COL7A1: variants seen among roughly 807,000 people sequenced by gnomAD.
The protein encoded by COL7A1 is collagen type VII alpha 1 chain, also known as collagen alpha-1(VII) chain.
A neutral mutation model predicts 456.2 loss-of-function variants in COL7A1; 296 were observed. The observed-to-expected ratio is 0.65, with a 90% CI of 0.59 to 0.71. The LOEUF (loss-of-function observed/expected upper bound fraction) is 0.71. COL7A1 is among the 30% of genes least tolerant of loss of function. COL7A1 has a pLI of 0.00. For missense variants in COL7A1, 3,441 were observed against 4,017.2 expected (o/e 0.86, Z 3.88); for synonymous variants, 1,464 against 1,525.9 (o/e 0.96, Z 0.95).
At position 48,578,840 on chromosome 3, in the gene COL7A1, G is replaced by A. The variant is rs574727743; in HGVS notation, c.5424+79C>T. On this transcript the variant is annotated intron_variant, in intron 63 of 118. Coordinates refer to ENST00000681320, the MANE Select transcript of COL7A1 (RefSeq NM_000094.4). The surrounding 1 kb of genome is among the most constrained non-coding windows in gnomAD (Gnocchi z 4.7). ...GAACCGACCCCCCACCAACTCTCTC[G>A]GATGCTGTGACTATGATGATCTGGT... The A allele has an allele frequency of 1.8e-5, 27 of 1,462,568 alleles. No homozygotes were observed. The highest frequency in any genetic ancestry group is 2.2e-4 in the Middle Eastern group (1 of 4,600). 90.6% of individuals were successfully genotyped at this position (1,462,568 alleles called of 1,614,324 possible).
Position 48,590,626 on chromosome 3 carries a change from A to G in COL7A1, c.1781-42T>C, listed in dbSNP as rs766686107. 2.5e-6 allele frequency: 4 copies of G among 1,614,052 alleles called. No individual in the cohort carries two copies. Among genetic ancestry groups the G allele is most frequent in the Non-Finnish European group, 3.4e-6 (4 of 1,180,030 alleles). Reference sequence around the variant, plus strand: ...GAAGTCAGAAGTCAGAACCAGGACCAGAGTGAGGCAGGCAGCTGTCCTCCA... The same window carrying G: ...GAAGTCAGAAGTCAGAACCAGGACCGGAGTGAGGCAGGCAGCTGTCCTCCA... On this transcript the variant is annotated intron_variant, in intron 14 of 118. Transcript: ENST00000681320. The surrounding 1 kb of genome is among the most constrained non-coding windows in gnomAD (Gnocchi z 4.6).
At position 48,569,926 on chromosome 3, in the gene COL7A1, G is replaced by C; in HGVS notation, c.7486-11C>G. 1 of 1,613,960 alleles carries C rather than the reference G, an allele frequency of 6.2e-7. No homozygotes were observed. Among genetic ancestry groups the C allele is most frequent in the Non-Finnish European group, 8.5e-7 (1 of 1,179,926 alleles). ...GCTGCCAGGGGGCCCCTGTGTGAGA[G>C]AAGGTGACCGTGAGCTACAGGAACC... On this transcript the variant is annotated splice_polypyrimidine_tract_variant and intron_variant, in intron 99 of 118. Coordinates refer to ENST00000681320, the MANE Select transcript of COL7A1 (RefSeq NM_000094.4). This position sits in a 1 kb window ranked among gnomAD's most constrained non-coding sequence, Gnocchi z 4.9.
chr3:48,568,346 G>A lies in COL7A1; in HGVS notation c.7794+153C>T. 1 of 1,042,062 alleles carries A rather than the reference G, an allele frequency of 9.6e-7. No individual in the cohort carries two copies. The highest frequency in any genetic ancestry group is 2.0e-4 in the Middle Eastern group (1 of 4,886). The allele number at this position is 1,042,062 out of a possible 1,614,324, so 64.6% of individuals were successfully genotyped here. ...TAGGCAGGGGACACCATCATAGGCG[G>A]CTACTGTGGAGGTGGGGGACCCTGG... On this transcript the variant is annotated intron_variant, in intron 105 of 118. Coordinates refer to ENST00000681320, the MANE Select transcript of COL7A1 (RefSeq NM_000094.4). This position sits in a 1 kb window ranked among gnomAD's most constrained non-coding sequence, Gnocchi z 5.2.
chr3:48,581,751 C>A lies in COL7A1; in HGVS notation c.4677G>T (p.Val1559=). 6.2e-7 allele frequency: 1 copy of A among 1,614,042 alleles called. No individual in the cohort carries two copies. Among genetic ancestry groups the A allele is most frequent in the Non-Finnish European group, 8.5e-7 (1 of 1,180,004 alleles). Residue 1559 remains valine, a synonymous_variant, in exon 49 of 119, where the codon GTG becomes GTT. Coordinates refer to ENST00000681320, the MANE Select transcript of COL7A1 (RefSeq NM_000094.4). This position sits in a 1 kb window ranked among gnomAD's most constrained non-coding sequence, Gnocchi z 5.8. ...TAGCTCCTCTGGGCCCAGCGGGCCC[C>A]ACATCTCCCTGGAGGTGACAAAGAC... ...VAGPKGEKGD[V]GPAGPRGATG...
Position 48,581,893 on chromosome 3 carries a change from G to A in COL7A1, c.4668+18C>T. ...CTCAACCCTGTAGAAACCTCCCCTT[G>A]CCCCATACCAGGCTTACCTTTTCTC... On this transcript the variant is annotated intron_variant, in intron 48 of 118. Transcript: ENST00000681320. The surrounding 1 kb of genome is among the most constrained non-coding windows in gnomAD (Gnocchi z 5.8). 1 of 1,614,026 alleles carries A rather than the reference G, an allele frequency of 6.2e-7. No individual in the cohort carries two copies. The highest frequency in any genetic ancestry group is 1.1e-5 in the South Asian group (1 of 91,080).
In COL7A1 at chr3:48,572,430, G is replaced by C. The variant is rs143589222; in HGVS notation, c.6937-9C>G. 911 of 1,613,992 alleles carry C rather than the reference G, an allele frequency of 5.6e-4. 6 individuals carry two copies. In the African/African-American group the frequency reaches 0.01, roughly 18 times the overall value. On this transcript the variant is annotated splice_polypyrimidine_tract_variant and intron_variant, in intron 89 of 118. Transcript: ENST00000681320. This position sits in a 1 kb window ranked among gnomAD's most constrained non-coding sequence, Gnocchi z 4.6. ...AGGCCTCCAGGGGCTCCCTGGTAAG[G>C]GGGAGAGGTCAGTGGGATTCCTTGG... is the stretch of plus-strand genomic sequence containing the variant.
Position 48,589,716 on chromosome 3 carries a change from G to A in COL7A1, c.2053C>T (p.Pro685Ser), listed in dbSNP as rs2045556976. 3 of 1,614,044 alleles carry A rather than the reference G, an allele frequency of 1.9e-6. No homozygotes were observed. The highest frequency in any genetic ancestry group is 2.7e-5 in the African/African-American group (2 of 75,006). The change falls in exon 17 of 119, where the codon CCA becomes TCA. Residue 685 changes from proline to serine, a missense_variant and splice_region_variant. By Grantham distance (74) the Pro-to-Ser change is moderately conservative. Transcript: ENST00000681320. ...PAAVIVARTD[P>S]LGPVRTVHVT... Reference sequence around the variant, plus strand: ...TGGACCGTCCTCACTGGGCCCAGTGGGTCTAGTGGGGAGAGGCAATGGGGA... The same window carrying A: ...TGGACCGTCCTCACTGGGCCCAGTGAGTCTAGTGGGGAGAGGCAATGGGGA...
In COL7A1 at chr3:48,570,804, C is replaced by T; in HGVS notation, c.7272+57G>A. 6.4e-7 allele frequency: 1 copy of T among 1,566,616 alleles called. No individual in the cohort carries two copies. The stretch of plus-strand genomic sequence containing the variant: ...GACTGGGAACCCCCAAGGCAGGGCC[C>T]CCTCCTCACCCACCATGGATTCACC... On this transcript the variant is annotated intron_variant, in intron 95 of 118. Transcript: ENST00000681320. The surrounding 1 kb of genome is among the most constrained non-coding windows in gnomAD (Gnocchi z 5.5).
chr3:48,565,462 G>A lies in COL7A1; in HGVS notation c.8475C>T (p.Gly2825=), dbSNP rs879469736. Residue 2825 remains glycine (G), a synonymous_variant, in exon 116 of 119, where the codon GGC becomes GGT. Transcript: ENST00000681320. This position sits in a 1 kb window ranked among gnomAD's most constrained non-coding sequence, Gnocchi z 4.5. ...PLPSYAADTA[G]SQLHAVPVLR... ...GCACAGGCACAGCATGGAGCTGGGA[G>A]CCGGCAGTGTCTGCAGCATAACTAG... 3 of 1,613,358 alleles carry A rather than the reference G, an allele frequency of 1.9e-6. No homozygotes were observed. Among genetic ancestry groups the A allele is most frequent in the Non-Finnish European group, 1.7e-6 (2 of 1,179,662 alleles).
Position 48,581,343 on chromosome 3 carries a change from G to A in COL7A1, c.4819-3C>T, listed in dbSNP as rs771182208. 1.9e-6 allele frequency: 3 copies of A among 1,613,726 alleles called. No individual in the cohort carries two copies. Among genetic ancestry groups the A allele is most frequent in the East Asian group, 2.2e-5 (1 of 44,868 alleles). The stretch of plus-strand genomic sequence containing the variant: ...TCTCCAGGAGGCCCTGAGTCACCCT[G>A]TGGAGGAGGCAAGAGGGAGGTGATG... On this transcript the variant is annotated splice_region_variant and splice_polypyrimidine_tract_variant and intron_variant, in intron 51 of 118. Coordinates refer to ENST00000681320, the MANE Select transcript of COL7A1 (RefSeq NM_000094.4). The surrounding 1 kb of genome is among the most constrained non-coding windows in gnomAD (Gnocchi z 5.8).
At position 48,587,572 on chromosome 3, in the gene COL7A1, G is replaced by A; in HGVS notation, c.2858-18C>T. 1 of 1,613,438 alleles carries A rather than the reference G, an allele frequency of 6.2e-7. No homozygotes were observed. The highest frequency in any genetic ancestry group is 8.5e-7 in the Non-Finnish European group (1 of 1,180,020). ...AGGTGACTCTGAAGGAGGAATGAAA[G>A]ATCGAGGATCAGAGGCTGAGTCCTG... On this transcript the variant is annotated intron_variant, in intron 22 of 118. Coordinates refer to ENST00000681320, the MANE Select transcript of COL7A1 (RefSeq NM_000094.4). The surrounding 1 kb of genome is among the most constrained non-coding windows in gnomAD (Gnocchi z 6.1).
At position 48,567,183 on chromosome 3, in the gene COL7A1, C is replaced by T. The variant is rs886058630; in HGVS notation, c.8054G>A (p.Arg2685Gln). The stretch of plus-strand genomic sequence containing the variant: ...GGGGCCTGGCTGCCCGTCAAAGCCT[C>T]GGTCACCCTGGGAACAGAAGAAGCA... ...KEGLIGPKGD[R>Q]GFDGQPGPKG... The change falls in exon 110 of 119, where the codon CGA becomes CAA. Residue 2685 changes from arginine to glutamine, a missense_variant. By Grantham distance (43) the Arg-to-Gln change is conservative. Around this residue, in one of 3 missense-constraint regions of COL7A1, gnomAD observed 2,084 missense variants for 2,501.3 expected, o/e 0.83. Coordinates refer to ENST00000681320, the MANE Select transcript of COL7A1 (RefSeq NM_000094.4). The surrounding 1 kb of genome is among the most constrained non-coding windows in gnomAD (Gnocchi z 4.3). 14 of 1,613,844 alleles carry T rather than the reference C, an allele frequency of 8.7e-6. No homozygotes were observed. The highest frequency in any genetic ancestry group is 2.2e-5 in the South Asian group (2 of 91,084).
rs756703259 is a variant in COL7A1, at chr3:48,586,424, C to T, written c.3458G>A (p.Arg1153His). ...CATCACCCCTGGTACGTGCTGGCGG[C>T]GCCCAGGAGCATCTGGTGCCAACAT... Reference protein sequence around the residue: ...RYMLAPDAPGRRQHVPGVMVL... With the variant: ...RYMLAPDAPGHRQHVPGVMVL... The change falls in exon 27 of 119, where the codon CGC becomes CAC. Residue 1153 changes from arginine to histidine, a missense_variant. This residue lies in a region of COL7A1 where 2,084 missense variants were observed against 2,501.3 expected (regional missense o/e 0.83). Transcript: ENST00000681320. This position sits in a 1 kb window ranked among gnomAD's most constrained non-coding sequence, Gnocchi z 5.1. The T allele has an allele frequency of 1.9e-5, 30 of 1,613,736 alleles. No individual in the cohort carries two copies. Among genetic ancestry groups the T allele is most frequent in the African/African-American group, 5.3e-5 (4 of 74,918 alleles).
chr3:48,568,227 A>G lies in COL7A1; in HGVS notation c.7795-57T>C. 1.9e-6 allele frequency: 3 copies of G among 1,577,262 alleles called. No homozygotes were observed. The highest frequency in any genetic ancestry group is 2.6e-6 in the Non-Finnish European group (3 of 1,153,734). ...GGAGGTCAGTGAGGGACCAAAGAGAATCGCCCTGGATAGTGGGTAGGGAAC... is the reference window on the plus strand; with the variant it reads ...GGAGGTCAGTGAGGGACCAAAGAGAGTCGCCCTGGATAGTGGGTAGGGAAC... On this transcript the variant is annotated intron_variant, in intron 105 of 118. Coordinates refer to ENST00000681320, the MANE Select transcript of COL7A1 (RefSeq NM_000094.4). This position sits in a 1 kb window ranked among gnomAD's most constrained non-coding sequence, Gnocchi z 5.2.
chr3:48,584,442 C>T (rs745751051), intron 36 of COL7A1, 43 bp downstream of exon 36: 33 of 1,612,842 alleles, frequency 2.0e-5, no homozygotes, highest in Non-Finnish European at 2.7e-5. Context: ...TCGTGTTGGT[C>T]CCCCCACTAC....
rs1412292026 is a variant in COL7A1 at position 48,586,455 on chromosome 3, T to C, written c.3427A>G (p.Arg1143Gly). The change falls in exon 27 of 119, where the codon AGA becomes GGA. Residue 1143 changes from arginine to glycine, a missense_variant. This residue lies in a region of COL7A1 where 2,084 missense variants were observed against 2,501.3 expected (regional missense o/e 0.83). Coordinates refer to ENST00000681320, the MANE Select transcript of COL7A1 (RefSeq NM_000094.4). This position sits in a 1 kb window ranked among gnomAD's most constrained non-coding sequence, Gnocchi z 5.1. ...NLGTAVVTAH[R>G]YMLAPDAPGR... ...GGAGCATCTGGTGCCAACATGTATC[T>C]GTGAGCTGTGACCACGGCTGTGCCT... 3 of 1,613,826 alleles carry C rather than the reference T, an allele frequency of 1.9e-6. No individual in the cohort carries two copies. The highest frequency in any genetic ancestry group is 2.5e-6 in the Non-Finnish European group (3 of 1,180,028).
In COL7A1 at chr3:48,564,737, G is replaced by A; in HGVS notation, c.8818+46C>T. ...GACTCCTCCCCCAGAACCCGATCCA[G>A]GCAGGCTCAGTGCCCAGTTCCCCAC... is the stretch of plus-strand genomic sequence containing the variant. On this transcript the variant is annotated intron_variant, in intron 118 of 118. Transcript: ENST00000681320. This position sits in a 1 kb window ranked among gnomAD's most constrained non-coding sequence, Gnocchi z 6.0. The A allele has an allele frequency of 1.3e-6, 2 of 1,591,810 alleles. No homozygotes were observed. The highest frequency in any genetic ancestry group is 1.7e-6 in the Non-Finnish European group (2 of 1,166,070).
In COL7A1 at chr3:48,588,527, T is replaced by C; in HGVS notation, c.2587+115A>G. Reference sequence around the variant, plus strand: ...GACCCCTCTCCCTCCTCTCAGACCCTGCCCCCAAAGGCTCACTACCAATCC... The same window carrying C: ...GACCCCTCTCCCTCCTCTCAGACCCCGCCCCCAAAGGCTCACTACCAATCC... On this transcript the variant is annotated intron_variant, in intron 20 of 118. Coordinates refer to ENST00000681320, the MANE Select transcript of COL7A1 (RefSeq NM_000094.4). The surrounding 1 kb of genome is among the most constrained non-coding windows in gnomAD (Gnocchi z 4.6). 1.9e-6 allele frequency: 3 copies of C among 1,604,610 alleles called. No individual in the cohort carries two copies. The highest frequency in any genetic ancestry group is 2.2e-5 in the South Asian group (2 of 90,844).
rs1400184068 is a variant in COL7A1 at position 48,565,094 on chromosome 3, G to GC, written c.8620+14dup. 5 of 1,613,000 alleles carry GC rather than the reference G, an allele frequency of 3.1e-6. No homozygotes were observed. The South Asian group carries it at 4.4e-5, about 14-fold the overall frequency. ...TGCCCCTCCCCAGACCCCGCTGGCA[G>GC]CCCCCCATTCTCACCATCACTATCC... On this transcript the variant is annotated intron_variant, in intron 117 of 118. Coordinates refer to ENST00000681320, the MANE Select transcript of COL7A1 (RefSeq NM_000094.4). This position sits in a 1 kb window ranked among gnomAD's most constrained non-coding sequence, Gnocchi z 4.5.
Sources: allele counts gnomAD v4.1 joint callset, GRCh38; gene constraint gnomAD v4.1.1; regional missense constraint gnomAD v4.1.1; non-coding constraint Gnocchi (gnomAD v3.1); transcripts MANE v1.5; gene names NCBI Gene and HGNC (gene_info 2026-07-23, HGNC 2026-07-21).